CHRM3: variants seen among roughly 807,000 people sequenced by gnomAD.
The protein encoded by CHRM3 is cholinergic receptor muscarinic 3, also known as muscarinic acetylcholine receptor M3.
CHRM3 carries 11 observed loss-of-function variants against 41.8 expected under a neutral mutation model. That is an observed-to-expected ratio of 0.26 (90% CI 0.17 to 0.44). The LOEUF (loss-of-function observed/expected upper bound fraction) is 0.44. Ranked by LOEUF, CHRM3 falls within the 20% of genes least tolerant of loss-of-function variation. CHRM3 has a pLI of 1.00. For synonymous variants in CHRM3, 297 were observed against 301.4 expected (o/e 0.99, Z 0.15); for missense variants, 571 against 745.4 (o/e 0.77, Z 2.72).
intron 4 of CHRM3, among the ~76,000 whole-genome samples, chr1:239,658,214 C>T (rs567786725): frequency 1.6e-3 from 241 of 152,274 alleles, no homozygotes; most frequent in African/African-American, 4.1e-3. Context: ...AGCGAGTTTA[C>T]TATCATAAAA....
intron 5 of CHRM3, among the ~76,000 whole-genome samples, chr1:239,691,908 G>T (rs1022592424): frequency 1.3e-5 from 2 of 152,182 alleles, no homozygotes; most frequent in Non-Finnish European, 2.9e-5. Context: ...GTGAAGTCAT[G>T]AAATCAAAGA....
At chr1:239,623,450 T>G (rs1668640677) in intron 3 of CHRM3, among the ~76,000 whole-genome samples, 1 of 151,464 alleles carries the variant, frequency 6.6e-6, no homozygotes, top group Non-Finnish European at 1.5e-5. Flanking sequence ...ACTCATCATT[T>G]TTTATGGCTG....
chr1:239,599,715 C>T (rs916267435), intron 3 of CHRM3, among the ~76,000 whole-genome samples: 31 of 152,156 alleles, frequency 2.0e-4, no homozygotes, highest in African/African-American at 3.1e-4. Flanking sequence ...ACCTTAAACA[C>T]GCCCAGAACA....
chr1:239,413,327 T>C (rs1661255133), intron 1 of CHRM3, among the ~76,000 whole-genome samples: 1 of 152,128 alleles, frequency 6.6e-6, no homozygotes, highest in South Asian at 2.1e-4. Context: ...TCTCACTCTG[T>C]CGCCCAGGCT....
intron 4 of CHRM3, among the ~76,000 whole-genome samples, chr1:239,674,224 T>C (rs985667903): frequency 6.6e-6 from 1 of 152,146 alleles, no homozygotes; most frequent in Admixed American, 6.5e-5. Flanking sequence ...TCCACAGATA[T>C]GAATATATTT....
intron 2 of CHRM3, among the ~76,000 whole-genome samples, chr1:239,512,822 A>G (rs1350710693): frequency 6.6e-6 from 1 of 151,864 alleles, no homozygotes; most frequent in Non-Finnish European, 1.5e-5. Context: ...TTGAAAAAAA[A>G]AAACTGTTAG....
intron 5 of CHRM3, among the ~76,000 whole-genome samples, chr1:239,741,279 G>A (rs988197674): frequency 3.3e-5 from 5 of 152,150 alleles, no homozygotes; most frequent in Admixed American, 3.3e-4. Context: ...TAATCTAATA[G>A]TAATAAACTT....
intron 5 of CHRM3, among the ~76,000 whole-genome samples, chr1:239,690,987 C>T (rs947127958): frequency 5.5e-4 from 83 of 152,104 alleles, no homozygotes; most frequent in African/African-American, 1.9e-3. Flanking sequence ...CAGCAGATAC[C>T]TTTGGTTAGC....
chr1:239,472,427 TAG>T (rs1429797047), intron 1 of CHRM3, among the ~76,000 whole-genome samples: 1 of 152,096 alleles, frequency 6.6e-6, no homozygotes. Flanking sequence ...AAATAATTAA[TAG>T]AGTGATGTGC....
At chr1:239,634,785 TG>T (rs1670279443) in intron 4 of CHRM3, among the ~76,000 whole-genome samples, 1 of 152,066 alleles carries the variant, frequency 6.6e-6, no homozygotes. Flanking sequence ...ACTTGGGGGA[TG>T]GGGGAGCTGG....
intron 6 of CHRM3, among the ~76,000 whole-genome samples, chr1:239,859,351 A>G (rs1201625001): frequency 6.6e-6 from 1 of 151,118 alleles, no homozygotes; most frequent in African/African-American, 2.4e-5. Flanking sequence ...CCATTTTCCT[A>G]ATAACAAATG....
chr1:239,496,063 A>C (rs935401811), intron 2 of CHRM3, among the ~76,000 whole-genome samples: 13 of 152,154 alleles, frequency 8.5e-5, no homozygotes, highest in African/African-American at 2.9e-4. Context: ...GAGGACAGTC[A>C]GTCTCTTTCA....
intron 5 of CHRM3, among the ~76,000 whole-genome samples, chr1:239,786,768 G>A (rs140629943): frequency 2.3e-3 from 354 of 152,290 alleles, no homozygotes; most frequent in African/African-American, 7.7e-3. Flanking sequence ...AGATGACGCC[G>A]TAGTGTCACC....
chr1:239,693,866 G>A (rs1212050894), intron 5 of CHRM3, among the ~76,000 whole-genome samples: 3 of 152,178 alleles, frequency 2.0e-5, no homozygotes, highest in Admixed American at 1.3e-4. Flanking sequence ...AGATAAATGT[G>A]TAGGGTTTCC....
chr1:239,849,187 A>G (rs1157777246), intron 6 of CHRM3, among the ~76,000 whole-genome samples: 1 of 152,186 alleles, frequency 6.6e-6, no homozygotes, highest in Non-Finnish European at 1.5e-5. Context: ...TTAGTTTACA[A>G]TTCAGGCAAA....
At chr1:239,779,051 CATCTTAATATTTATA>C (rs1244239428) in intron 5 of CHRM3, among the ~76,000 whole-genome samples, 1 of 152,104 alleles carries the variant, frequency 6.6e-6, no homozygotes, top group Admixed American at 6.6e-5. Context: ...TTAATATTTC[CATCTTAATATTTATA>C]ATATTTTATA....
intron 5 of CHRM3, among the ~76,000 whole-genome samples, chr1:239,690,227 T>C (rs1400282657): frequency 2.0e-5 from 3 of 151,990 alleles, no homozygotes; most frequent in African/African-American, 7.3e-5. Flanking sequence ...TTTCTTTTCA[T>C]TTATTTTATT....
chr1:239,811,370 C>A (rs969223703), intron 5 of CHRM3, among the ~76,000 whole-genome samples: 2 of 152,212 alleles, frequency 1.3e-5, no homozygotes, highest in African/African-American at 4.8e-5. Context: ...AGCTTCCTTG[C>A]CAGACACTTT....
intron 3 of CHRM3, among the ~76,000 whole-genome samples, chr1:239,588,191 C>T (rs1387804025): frequency 2.0e-5 from 3 of 152,302 alleles, no homozygotes; most frequent in African/African-American, 4.8e-5. Context: ...AATACCAACC[C>T]CTGCAGCTCC....
Sources: allele counts gnomAD v4.1 joint callset (sites outside exome capture counted in the v4.1 genomes callset), GRCh38; gene constraint gnomAD v4.1.1; transcripts MANE v1.5; gene names NCBI Gene and HGNC (gene_info 2026-07-23, HGNC 2026-07-21).